DHRSX: variants seen among roughly 807,000 people sequenced by gnomAD.
DHRSX encodes polyprenol dehydrogenase.
A neutral mutation model predicts 34.0 loss-of-function variants in DHRSX; 31 were observed. That is an observed-to-expected ratio of 0.91 (90% CI 0.69 to 1.23). The LOEUF (loss-of-function observed/expected upper bound fraction) is 1.23. Among genes scored for constraint, DHRSX ranks in the 50% most tolerant of loss-of-function variants. The pLI, the probability that DHRSX is intolerant of heterozygous loss-of-function variation, is 0.00. For synonymous variants in DHRSX, 201 were observed against 183.8 expected (o/e 1.09, Z -0.76); for missense variants, 414 against 428.1 (o/e 0.97, Z 0.29).
chrX:2,364,729 TATTTATCTATC>T (rs2042977790), intron 3 of DHRSX, among the ~76,000 whole-genome samples: 1 of 152,182 alleles, frequency 6.6e-6, no homozygotes, highest in Admixed American at 6.6e-5. Flanking sequence ...ATCAAGTACA[TATTTATCTATC>T]ATTTATCTAT....
chrX:2,345,716 A>G (rs1470242353), intron 3 of DHRSX, among the ~76,000 whole-genome samples: 4 of 150,798 alleles, frequency 2.7e-5, no homozygotes, highest in Non-Finnish European at 4.4e-5. Context: ...TGTCCTTCCT[A>G]TGGTGGGTGG....
At chrX:2,246,379 T>C (rs1249180955) in intron 5 of DHRSX, among the ~76,000 whole-genome samples, 1 of 151,982 alleles carries the variant, frequency 6.6e-6, no homozygotes, top group East Asian at 1.9e-4. Context: ...ATCCCAGCGC[T>C]TTGGGAGGCT....
intron 3 of DHRSX, among the ~76,000 whole-genome samples, chrX:2,382,739 C>T (rs775295290): frequency 0.3 from 30,501 of 100,962 alleles, 3,154 homozygotes; most frequent in Non-Finnish European, 0.4. Flanking sequence ...CCATCATCAT[C>T]GCCATCATCA....
chrX:2,275,496 C>A (rs1249483758), intron 4 of DHRSX, among the ~76,000 whole-genome samples: 1 of 131,376 alleles, frequency 7.6e-6, no homozygotes, highest in Non-Finnish European at 1.6e-5. Context: ...CCGACAACAG[C>A]GAGACTATGT....
intron 3 of DHRSX, among the ~76,000 whole-genome samples, chrX:2,387,904 C>CAAA (rs557047764): frequency 0.03 from 2,250 of 73,840 alleles, 109 homozygotes; most frequent in East Asian, 0.08. Context: ...CCCTCCCCTG[C>CAAA]AAAAAAAAAA....
chrX:2,304,204 A>ATGGATGGATAGATGG (rs2042067645), intron 3 of DHRSX, among the ~76,000 whole-genome samples: 6 of 62,046 alleles, frequency 9.7e-5, no homozygotes, highest in African/African-American at 3.7e-4. Context: ...TGGATGGATA[A>ATGGATGGATAGATGG]ATGGATGGAT....
intron 4 of DHRSX, among the ~76,000 whole-genome samples, chrX:2,271,512 G>A (rs2041554492): frequency 6.6e-6 from 1 of 152,078 alleles, no homozygotes; most frequent in African/African-American, 2.4e-5. Flanking sequence ...CCCCTCCTAC[G>A]TGAATATCTA....
chrX:2,496,004 G>C (rs1019312327), intron 1 of DHRSX, among the ~76,000 whole-genome samples: 2 of 152,046 alleles, frequency 1.3e-5, no homozygotes, highest in African/African-American at 4.8e-5. Context: ...TTCTCCCTAG[G>C]TTTTTGTTAT....
At chrX:2,283,479 T>C (rs895318934) in intron 4 of DHRSX, among the ~76,000 whole-genome samples, 3 of 152,056 alleles carry the variant, frequency 2.0e-5, no homozygotes, top group Non-Finnish European at 4.4e-5. Context: ...TGCAACACTT[T>C]CCGTCTTCCC....
chrX:2,423,290 G>A (rs2043803997), intron 2 of DHRSX, among the ~76,000 whole-genome samples: 1 of 152,018 alleles, frequency 6.6e-6, no homozygotes, highest in Admixed American at 6.6e-5. Context: ...GCGGGCGCCT[G>A]TAATCCCAGC....
intron 3 of DHRSX, among the ~76,000 whole-genome samples, chrX:2,329,224 C>T (rs1315481110): frequency 1.3e-5 from 2 of 152,136 alleles, no homozygotes; most frequent in African/African-American, 2.4e-5. Flanking sequence ...AGCTGGAGCA[C>T]CAATAGCATA....
At chrX:2,435,280 C>T (rs1270603991) in intron 1 of DHRSX, among the ~76,000 whole-genome samples, 3 of 152,118 alleles carry the variant, frequency 2.0e-5, no homozygotes, top group African/African-American at 4.8e-5. Context: ...AAAACCCACA[C>T]GGATACGAGT....
intron 4 of DHRSX, among the ~76,000 whole-genome samples, chrX:2,282,616 G>C (rs919335755): frequency 2.1e-5 from 3 of 143,310 alleles, no homozygotes; most frequent in African/African-American, 7.9e-5. Context: ...GAAGAAAGAG[G>C]GGAGGGAGAG....
chrX:2,243,056 C>G lies in DHRSX; in HGVS notation c.771G>C (p.Leu257=), dbSNP rs373895282. ...GCAACCAGCCGAGAAGCTTCTTCGC[C>G]AGACGGGTGGCCCAGAACACGTGCT... ...VYKHVFWATR[L]AKKLLGWLLF... Residue 257 remains leucine, a synonymous_variant, in exon 6 of 7, where the codon CTG becomes CTC. Transcript: ENST00000334651. 4.8e-5 allele frequency: 78 copies of G among 1,613,638 alleles called. No individual in the cohort carries two copies. Among genetic ancestry groups the G allele is most frequent in the Non-Finnish European group, 6.3e-5 (74 of 1,179,730 alleles).
At chrX:2,341,063 C>T (rs1050381340) in intron 3 of DHRSX, among the ~76,000 whole-genome samples, 2 of 152,052 alleles carry the variant, frequency 1.3e-5, no homozygotes, top group Non-Finnish European at 2.9e-5. Flanking sequence ...GGCTGCCGCT[C>T]TCTCTCCAGT....
In DHRSX at chrX:2,219,927, T is replaced by C. The variant is rs1343128623; in HGVS notation, c.*1114A>G. 6.6e-6 allele frequency: 1 copy of C among 152,186 alleles called. No individual in the cohort carries two copies. Among genetic ancestry groups the C allele is most frequent in the Non-Finnish European group, 1.5e-5 (1 of 68,020 alleles). The allele number at this position is 152,186 out of a possible 1,614,324, so 9.4% of individuals were successfully genotyped here. A position where few individuals can be genotyped will look rare whatever the true frequency, so the allele number is the denominator to read the frequency against. On this transcript the variant is annotated 3_prime_UTR_variant, in exon 7 of 7. Transcript: ENST00000334651. ...GCTGGTGAGTAAGAGTGAGCCTCTA[T>C]ACCAAGGATGTACCCTTTGGCTGTG...
At chrX:2,452,083 G>A (rs1366037615) in intron 1 of DHRSX, among the ~76,000 whole-genome samples, 3 of 151,042 alleles carry the variant, frequency 2.0e-5, no homozygotes, top group African/African-American at 7.3e-5. Flanking sequence ...CTAAGGGATC[G>A]CCGCCATGTA....
chrX:2,258,233 A>G (rs1373347615), intron 5 of DHRSX, among the ~76,000 whole-genome samples: 4 of 150,640 alleles, frequency 2.7e-5, no homozygotes, highest in Admixed American at 1.3e-4. Context: ...AGATGGAGTA[A>G]GGCATTGCAT....
intron 3 of DHRSX, among the ~76,000 whole-genome samples, chrX:2,402,934 G>A (rs1204529557): frequency 6.9e-6 from 1 of 144,266 alleles, no homozygotes; most frequent in Non-Finnish European, 1.5e-5. Context: ...CCAGGTTGGA[G>A]TGCGGTGGCA....
Sources: allele counts gnomAD v4.1 joint callset (sites outside exome capture counted in the v4.1 genomes callset), GRCh38; gene constraint gnomAD v4.1.1; transcripts MANE v1.5; gene names NCBI Gene and HGNC (gene_info 2026-07-23, HGNC 2026-07-21).